The following ZFPM2 variants were observed in gnomAD, a reference collection of about 807,000 sequenced individuals.
ZFPM2 encodes zinc finger protein ZFPM2.
In ZFPM2, 20 loss-of-function variants were observed where a neutral mutation model predicts 98.6. That is an observed-to-expected ratio of 0.20 (90% CI 0.14 to 0.29). The LOEUF is 0.29. Ranked by LOEUF, ZFPM2 falls within the 10% of genes least tolerant of loss-of-function variation. The pLI, the probability that ZFPM2 is intolerant of heterozygous loss-of-function variation, is 1.00. For missense variants in ZFPM2, 1,310 were observed against 1,388.6 expected (o/e 0.94, Z 0.90); for synonymous variants, 518 against 502.7 (o/e 1.03, Z -0.41).
chr8:105,512,332 C>T (rs1015413889), intron 3 of ZFPM2, among the ~76,000 whole-genome samples: 61 of 152,170 alleles, frequency 4.0e-4, no homozygotes, highest in African/African-American at 1.4e-3. Flanking sequence ...ACCAGTTGAC[C>T]TTGGGTCTCA....
rs532619374 is a variant in ZFPM2 at position 105,486,583 on chromosome 8, C to A, written c.301+42202C>A. Among the ~76,000 whole-genome samples the A allele has an allele frequency of 3.3e-5, 5 of 152,270 alleles. No individual in the cohort carries two copies. The South Asian group carries it at 1.0e-3, about 32-fold the overall frequency. ...TAGCTTTTTAGACTCACTTCGGGAT[C>A]CTTTGCTATCAACACCAAACTGTGC... is the stretch of plus-strand genomic sequence containing the variant. On this transcript the variant is annotated intron_variant, in intron 3 of 7. Transcript: ENST00000407775.
intron 1 of ZFPM2, among the ~76,000 whole-genome samples, chr8:105,379,322 T>TA (rs539732401): frequency 6.6e-5 from 10 of 152,158 alleles, no homozygotes; most frequent in South Asian, 2.1e-4. Flanking sequence ...CATAAACAAT[T>TA]AAAAAAAACT....
chr8:105,516,383 A>G (rs1239501822), intron 3 of ZFPM2, among the ~76,000 whole-genome samples: 2 of 149,184 alleles, frequency 1.3e-5, no homozygotes, highest in African/African-American at 5.1e-5. Flanking sequence ...TTTTCTCTTG[A>G]AACTAATTAT....
At chr8:105,703,462 G>A (rs371561803) in intron 5 of ZFPM2, among the ~76,000 whole-genome samples, 2 of 152,318 alleles carry the variant, frequency 1.3e-5, no homozygotes, top group African/African-American at 2.4e-5. Context: ...GACGGAGAAC[G>A]AAGGGAAGGG....
chr8:105,329,173 C>T (rs1812167789), intron 1 of ZFPM2, among the ~76,000 whole-genome samples: 1 of 151,828 alleles, frequency 6.6e-6, no homozygotes, highest in South Asian at 2.1e-4. Flanking sequence ...TCCCCACCAT[C>T]ACAGGCAGTT....
intron 5 of ZFPM2, among the ~76,000 whole-genome samples, chr8:105,736,988 T>TC (rs1428071764): frequency 1.3e-5 from 2 of 151,816 alleles, no homozygotes; most frequent in East Asian, 2.0e-4. Context: ...AGATTTTTTT[T>TC]CACACAAAAT....
chr8:105,632,260 C>T (rs1447438098), intron 4 of ZFPM2, among the ~76,000 whole-genome samples: 1 of 152,132 alleles, frequency 6.6e-6, no homozygotes, highest in Non-Finnish European at 1.5e-5. Context: ...ACCTCCACCT[C>T]CTGGGTTGAA....
At position 105,795,049 on chromosome 8, in the gene ZFPM2, C is replaced by T. The variant is rs567331892; in HGVS notation, c.740-3675C>T. ...TTGCGCTTCCCGAGTGAGGCAATGC[C>T]TCGCCCTGCTTCAGCTCATGCACGG... is the stretch of plus-strand genomic sequence containing the variant. On this transcript the variant is annotated intron_variant, in intron 6 of 7. Transcript: ENST00000407775. Among the ~76,000 whole-genome samples, 344 of 152,294 alleles carry T rather than the reference C, an allele frequency of 2.3e-3. 1 individual carries two copies. Among genetic ancestry groups the T allele is most frequent in the African/African-American group, 7.9e-3 (327 of 41,574 alleles).
chr8:105,489,471 T>TTATATATATATATATATA (rs1563682494), intron 3 of ZFPM2, among the ~76,000 whole-genome samples: 104 of 142,178 alleles, frequency 7.3e-4, no homozygotes, highest in African/African-American at 2.7e-3. Context: ...TATATATTTT[T>TTATATATATATATATATA]TTTTTTTTTT....
In ZFPM2 at chr8:105,587,004, C is replaced by T. The variant is rs534866663; in HGVS notation, c.420+25523C>T. On this transcript the variant is annotated intron_variant, in intron 4 of 7. Transcript: ENST00000407775. ...TAAAAGCTTTGGACTTGGCCAGGCA[C>T]GGTGGCTCATGCCTGTAATCCCAGC... 2.8e-4 allele frequency among the ~76,000 whole-genome samples: 42 copies of T among 151,526 alleles called. No homozygotes were observed. The South Asian group carries it at 3.1e-3, about 11-fold the overall frequency.
At chr8:105,436,512 C>CAAA (rs11295878) in intron 2 of ZFPM2, among the ~76,000 whole-genome samples, 1,906 of 100,504 alleles carry the variant, frequency 0.019, 42 homozygotes, top group African/African-American at 0.061. Context: ...AACTCCGTCT[C>CAAA]AAAAAAAAAA....
chr8:105,694,542 A>G (rs773202786), intron 5 of ZFPM2, among the ~76,000 whole-genome samples: 1 of 152,164 alleles, frequency 6.6e-6, no homozygotes, highest in Non-Finnish European at 1.5e-5. Flanking sequence ...CTCTTTATGA[A>G]TATTGTCTAA....
At chr8:105,501,039 G>A (rs746137767) in intron 3 of ZFPM2, among the ~76,000 whole-genome samples, 14 of 152,112 alleles carry the variant, frequency 9.2e-5, no homozygotes, top group Non-Finnish European at 1.8e-4. Context: ...AAATACAGAC[G>A]TGTAAAGACA....
At chr8:105,777,183 A>G (rs1813122854) in intron 5 of ZFPM2, among the ~76,000 whole-genome samples, 1 of 152,214 alleles carries the variant, frequency 6.6e-6, no homozygotes, top group Non-Finnish European at 1.5e-5. Flanking sequence ...TTTAGGTCCC[A>G]ATTTTCCAGT....
intron 5 of ZFPM2, among the ~76,000 whole-genome samples, chr8:105,646,868 C>A (rs1817058331): frequency 6.6e-6 from 1 of 152,104 alleles, no homozygotes; most frequent in Non-Finnish European, 1.5e-5. Flanking sequence ...CATATTAGCA[C>A]CTGTCTTTGC....
At chr8:105,394,104 A>G (rs552123621) in intron 1 of ZFPM2, among the ~76,000 whole-genome samples, 2 of 152,188 alleles carry the variant, frequency 1.3e-5, no homozygotes, top group Non-Finnish European at 2.9e-5. Flanking sequence ...CGTGTTAGCC[A>G]GGATGGTCTC....
At chr8:105,345,992 G>C (rs906703926) in intron 1 of ZFPM2, among the ~76,000 whole-genome samples, 2 of 151,982 alleles carry the variant, frequency 1.3e-5, no homozygotes, top group Admixed American at 6.5e-5. Context: ...CAATGTATCT[G>C]AAATTGACAA....
intron 4 of ZFPM2, among the ~76,000 whole-genome samples, chr8:105,617,905 A>G (rs533754328): frequency 8.5e-5 from 13 of 152,296 alleles, no homozygotes; most frequent in South Asian, 2.1e-4. Context: ...CTGTTTTTCA[A>G]TATTTTAAAA....
At chr8:105,548,328 A>G (rs1384837307) in intron 3 of ZFPM2, among the ~76,000 whole-genome samples, 1 of 152,140 alleles carries the variant, frequency 6.6e-6, no homozygotes, top group African/African-American at 2.4e-5. Flanking sequence ...AATATTTTAT[A>G]AGAGTAATAT....
Sources: allele counts gnomAD v4.1 joint callset (sites outside exome capture counted in the v4.1 genomes callset), GRCh38; gene constraint gnomAD v4.1.1; transcripts MANE v1.5; gene names NCBI Gene and HGNC (gene_info 2026-07-23, HGNC 2026-07-21).